The following GALNT2 variants were observed in gnomAD, a reference collection of about 807,000 sequenced individuals.
GALNT2 encodes the protein polypeptide N-acetylgalactosaminyltransferase 2.
In GALNT2, 31 loss-of-function variants were observed where a neutral mutation model predicts 81.4. That is an observed-to-expected ratio of 0.38 (90% CI 0.29 to 0.51). The LOEUF (loss-of-function observed/expected upper bound fraction) is 0.51. Ranked by LOEUF, GALNT2 falls within the 20% of genes least tolerant of loss-of-function variation. GALNT2 has a pLI of 0.87. For missense variants in GALNT2, 629 were observed against 765.7 expected (o/e 0.82, Z 2.11); for synonymous variants, 303 against 287.4 (o/e 1.05, Z -0.55).
At chr1:230,099,902 C>T (rs758407885) in intron 1 of GALNT2, among the ~76,000 whole-genome samples, 5 of 152,230 alleles carry the variant, frequency 3.3e-5, no homozygotes, top group Non-Finnish European at 7.3e-5. Flanking sequence ...TATGAGACCT[C>T]CTGACTCTAA....
intron 1 of GALNT2, among the ~76,000 whole-genome samples, chr1:230,163,755 G>T (rs151146025): frequency 6.6e-6 from 1 of 152,220 alleles, no homozygotes; most frequent in African/African-American, 2.4e-5. Context: ...TAAAATTACT[G>T]TTTTCTGAAG....
chr1:230,069,703 CA>C (rs527378285), intron 1 of GALNT2, among the ~76,000 whole-genome samples: 5 of 149,598 alleles, frequency 3.3e-5, no homozygotes, highest in African/African-American at 1.2e-4. Context: ...ATTCTCATAC[CA>C]AAAAAAAAAT....
intron 1 of GALNT2, among the ~76,000 whole-genome samples, chr1:230,084,428 A>G (rs1659839736): frequency 1.3e-5 from 2 of 151,898 alleles, no homozygotes; most frequent in Admixed American, 1.3e-4. Context: ...TGAACTTGGC[A>G]TGTCTGGGCA....
chr1:230,138,524 CAAAAAAA>C (rs35938447), intron 1 of GALNT2, among the ~76,000 whole-genome samples: 1 of 75,930 alleles, frequency 1.3e-5, no homozygotes, highest in Non-Finnish European at 2.7e-5. Context: ...GACTCTGTCT[CAAAAAAA>C]AAAAAAAAAA....
intron 1 of GALNT2, among the ~76,000 whole-genome samples, chr1:230,083,272 G>A (rs2102756484): frequency 6.8e-6 from 1 of 146,400 alleles, no homozygotes; most frequent in African/African-American, 2.6e-5. Flanking sequence ...GGATGATGGA[G>A]TGGGGAGCCC....
rs144216012 is a variant in GALNT2, at chr1:230,274,509, G to A, written c.1505G>A (p.Arg502Gln). The A allele has an allele frequency of 1.4e-4, 218 of 1,613,970 alleles. No individual in the cohort carries two copies. Among genetic ancestry groups the A allele is most frequent in the African/African-American group, 3.6e-4 (27 of 75,040 alleles). Reference sequence around the variant, plus strand: ...GATTTGTGCCTTACTGTGGTGGACCGGGCACCGGGCTCTCTTATAAAGCTG... The same window carrying A: ...GATTTGTGCCTTACTGTGGTGGACCAGGCACCGGGCTCTCTTATAAAGCTG... ...HMDLCLTVVD[R>Q]APGSLIKLQG... is the part of the protein sequence containing the mutation. Residue 502 changes from arginine to glutamine, a missense_variant, in exon 15 of 16, where the codon CGG (arginine) becomes CAG (glutamine). Arg to Gln is a conservative substitution (Grantham distance 43). Around this residue, in one of 3 missense-constraint regions of GALNT2, gnomAD observed 207 missense variants for 225.5 expected, o/e 0.92. Coordinates refer to ENST00000366672, the MANE Select transcript of GALNT2 (RefSeq NM_004481.5).
chr1:230,074,575 G>C (rs1659475658), intron 1 of GALNT2, among the ~76,000 whole-genome samples: 1 of 152,188 alleles, frequency 6.6e-6, no homozygotes, highest in Non-Finnish European at 1.5e-5. Context: ...GAGAACCACT[G>C]CCTTAGTCCG....
rs189850644 is a variant in GALNT2, at chr1:230,140,520, G to C, written c.127-37698G>C. Among the ~76,000 whole-genome samples, 1,315 of 152,314 alleles carry C rather than the reference G, an allele frequency of 8.6e-3. 7 individuals carry two copies. The highest frequency in any genetic ancestry group is 0.013 in the Non-Finnish European group (875 of 68,038). ...ACTTCCCGTGAAGCTGCTGTCCGTTGCTATAGAAATCCAGCCTCGGAACCG... is the reference window on the plus strand; with the variant it reads ...ACTTCCCGTGAAGCTGCTGTCCGTTCCTATAGAAATCCAGCCTCGGAACCG... On this transcript the variant is annotated intron_variant, in intron 1 of 15. Coordinates refer to ENST00000366672, the MANE Select transcript of GALNT2 (RefSeq NM_004481.5).
chr1:230,072,916 C>T (rs1025422019), intron 1 of GALNT2, among the ~76,000 whole-genome samples: 1 of 152,190 alleles, frequency 6.6e-6, no homozygotes, highest in Non-Finnish European at 1.5e-5. Context: ...TAGAAGGAGG[C>T]CTAGCCCCAC....
intron 9 of GALNT2, among the ~76,000 whole-genome samples, chr1:230,249,941 CTG>C (rs1665491812): frequency 6.6e-6 from 1 of 152,236 alleles, no homozygotes. Flanking sequence ...CAGTGTACAT[CTG>C]TTGTCAACCC....
At chr1:230,244,301 C>T (rs1195886619) in intron 7 of GALNT2, among the ~76,000 whole-genome samples, 1 of 152,034 alleles carries the variant, frequency 6.6e-6, no homozygotes, top group Non-Finnish European at 1.5e-5. Flanking sequence ...CACTTGTTAT[C>T]TCCGTTTGAC....
At chr1:230,167,941 G>A (rs912614981) in intron 1 of GALNT2, among the ~76,000 whole-genome samples, 1 of 143,890 alleles carries the variant, frequency 6.9e-6, no homozygotes, top group African/African-American at 2.5e-5. Context: ...TAAATCACAT[G>A]GGAAATAATT....
At chr1:230,132,876 C>T (rs1436117820) in intron 1 of GALNT2, among the ~76,000 whole-genome samples, 1 of 152,184 alleles carries the variant, frequency 6.6e-6, no homozygotes, top group African/African-American at 2.4e-5. Context: ...AACATTCTTC[C>T]TCTGTCATCC....
At chr1:230,256,084 A>G (rs974814692) in intron 11 of GALNT2, among the ~76,000 whole-genome samples, 9 of 152,130 alleles carry the variant, frequency 5.9e-5, no homozygotes, top group African/African-American at 2.2e-4. Flanking sequence ...TAATAGCATC[A>G]ATCCCCCCCA....
intron 1 of GALNT2, among the ~76,000 whole-genome samples, chr1:230,128,886 C>T (rs145441982): frequency 1.3e-4 from 20 of 152,350 alleles, no homozygotes; most frequent in African/African-American, 4.1e-4. Flanking sequence ...ACATCTCATG[C>T]CTCAGCACTG....
chr1:230,155,115 C>T (rs1305689457), intron 1 of GALNT2, among the ~76,000 whole-genome samples: 6 of 152,322 alleles, frequency 3.9e-5, no homozygotes, highest in East Asian at 1.9e-4. Flanking sequence ...CCCCCCACCC[C>T]GTTTCCGCGT....
At chr1:230,073,888 T>G (rs1288326874) in intron 1 of GALNT2, among the ~76,000 whole-genome samples, 1 of 152,150 alleles carries the variant, frequency 6.6e-6, no homozygotes, top group Non-Finnish European at 1.5e-5. Flanking sequence ...CCTAGGCCAC[T>G]CTGCTGACCA....
At chr1:230,058,903 AG>A (rs1176283589) in intron 1 of GALNT2, among the ~76,000 whole-genome samples, 2 of 152,142 alleles carry the variant, frequency 1.3e-5, no homozygotes, top group African/African-American at 2.4e-5. Context: ...GGGTCCTGGG[AG>A]TATGACAGGG....
intron 11 of GALNT2, among the ~76,000 whole-genome samples, chr1:230,256,663 C>T (rs759808603): frequency 7.2e-5 from 11 of 152,034 alleles, no homozygotes; most frequent in Non-Finnish European, 1.0e-4. Context: ...AAGGGCTTTC[C>T]GAAAGTAAAA....
Sources: gnomAD v4.1 joint callset for allele counts (sites outside exome capture counted in the v4.1 genomes callset) on GRCh38, gnomAD v4.1.1 for gene constraint, gnomAD v4.1.1 regional missense constraint, MANE v1.5 for transcripts, NCBI Gene and HGNC (gene_info 2026-07-23, HGNC 2026-07-21) for gene names.